Variants in PUM2 observed in about 807,000 individuals in gnomAD.
PUM2 encodes pumilio RNA binding family member 2, also known as pumilio homolog 2.
A neutral mutation model predicts 124.5 loss-of-function variants in PUM2; 57 were observed. The ratio of observed to expected loss-of-function variants is 0.46; its 90% CI spans 0.37 to 0.57. PUM2 has a LOEUF of 0.57. Among genes scored for constraint, PUM2 ranks in the 20% least tolerant of loss-of-function variants. The pLI is 0.00. For synonymous variants in PUM2, 460 were observed against 446.1 expected (o/e 1.03, Z -0.39); for missense variants, 1,065 against 1,290.6 (o/e 0.83, Z 2.68).
intron 13 of PUM2, among the ~76,000 whole-genome samples, chr2:20,274,956 C>CAAAAAAAAAAAA (rs1669858427): frequency 3.3e-3 from 2 of 612 alleles, no homozygotes; most frequent in Admixed American, 0.01. Context: ...TGAAGTATCT[C>CAAAAAAAAAAAA]CAAAAAAAAA....
At chr2:20,301,901 A>G (rs1677076367) in intron 7 of PUM2, among the ~76,000 whole-genome samples, 1 of 152,224 alleles carries the variant, frequency 6.6e-6, no homozygotes, top group Admixed American at 6.5e-5. Flanking sequence ...TAATGGCTAC[A>G]TAATATGTAG....
At chr2:20,336,376 G>C (rs749747240) in intron 1 of PUM2, among the ~76,000 whole-genome samples, 18 of 151,846 alleles carry the variant, frequency 1.2e-4, no homozygotes, top group Non-Finnish European at 2.5e-4. Context: ...GTAGAGACAG[G>C]GTTTTGCCAT....
In PUM2 at chr2:20,302,624, T is replaced by C. The variant is rs562947599; in HGVS notation, c.884-4946A>G. On this transcript the variant is annotated intron_variant, in intron 7 of 20. Coordinates refer to ENST00000361078, the MANE Select transcript of PUM2 (RefSeq NM_015317.5). The stretch of plus-strand genomic sequence containing the variant: ...TCTATTTCAAAGTAATCTTGTTCAA[T>C]GATCTACTCATACATTTTGAGTCCA... 1.5e-4 allele frequency among the ~76,000 whole-genome samples: 23 copies of C among 152,334 alleles called. 3 individuals are homozygous for C. The highest frequency in any genetic ancestry group is 5.3e-4 in the African/African-American group (22 of 41,578).
intron 17 of PUM2, 70 bp from the exon 18 acceptor site, chr2:20,255,411 GTTTGTT>G: frequency 7.3e-7 from 1 of 1,370,266 alleles, no homozygotes; most frequent in South Asian, 1.3e-5. Flanking sequence ...AAGCAGACTG[GTTTGTT>G]TTTTTTTTTT....
chr2:20,343,629 T>A (rs1228929103), intron 1 of PUM2, among the ~76,000 whole-genome samples: 2 of 152,168 alleles, frequency 1.3e-5, no homozygotes, highest in Non-Finnish European at 2.9e-5. Context: ...CTGTTGGGCA[T>A]GGTGGCTTGG....
At chr2:20,318,778 C>A (rs1034791315) in intron 2 of PUM2, 133 bp from the exon 3 acceptor site, 9 of 565,062 alleles carry the variant, frequency 1.6e-5, no homozygotes, top group Non-Finnish European at 2.7e-5. Context: ...GACCTATTTT[C>A]TAAGCTGTTT....
intron 20 of PUM2, among the ~76,000 whole-genome samples, chr2:20,252,221 C>T (rs1057259278): frequency 6.6e-6 from 1 of 152,054 alleles, no homozygotes; most frequent in Non-Finnish European, 1.5e-5. Flanking sequence ...TACTTTGGGA[C>T]CAGACTGGGC....
chr2:20,335,692 T>C (rs1249632843), intron 1 of PUM2, among the ~76,000 whole-genome samples: 2 of 152,244 alleles, frequency 1.3e-5, no homozygotes, highest in Non-Finnish European at 2.9e-5. Flanking sequence ...ACTGACTCAA[T>C]TATAATAAGG....
intron 1 of PUM2, among the ~76,000 whole-genome samples, chr2:20,339,248 G>A (rs955806104): frequency 3.9e-5 from 6 of 151,900 alleles, no homozygotes; most frequent in African/African-American, 1.5e-4. Context: ...ATGCAAGGTG[G>A]TACATATCTG....
intron 13 of PUM2, among the ~76,000 whole-genome samples, chr2:20,265,340 A>G (rs1423399839): frequency 6.6e-6 from 1 of 152,186 alleles, no homozygotes; most frequent in African/African-American, 2.4e-5. Flanking sequence ...GTTATACTTA[A>G]CTATCTCAGC....
intron 1 of PUM2, among the ~76,000 whole-genome samples, chr2:20,334,735 G>C (rs1374301243): frequency 6.6e-6 from 1 of 152,162 alleles, no homozygotes; most frequent in Admixed American, 6.5e-5. Flanking sequence ...TACTGCTGAA[G>C]ACATTTACCA....
intron 8 of PUM2, among the ~76,000 whole-genome samples, chr2:20,296,147 T>C (rs886866891): frequency 1.3e-5 from 2 of 152,196 alleles, no homozygotes; most frequent in African/African-American, 4.8e-5. Context: ...AGCTAAGATA[T>C]CAAATATAAA....
At chr2:20,310,669 G>A (rs113554958) in intron 5 of PUM2, among the ~76,000 whole-genome samples, 1 of 151,902 alleles carries the variant, frequency 6.6e-6, no homozygotes, top group Non-Finnish European at 1.5e-5. Flanking sequence ...CTTTGCTTTT[G>A]AAGGCAATAA....
intron 13 of PUM2, among the ~76,000 whole-genome samples, chr2:20,273,727 TGA>T (rs1284950244): frequency 1.3e-5 from 2 of 152,210 alleles, no homozygotes; most frequent in Non-Finnish European, 2.9e-5. Flanking sequence ...AAGATTCTGT[TGA>T]GAGTCGGGTG....
At chr2:20,297,988 G>GT (rs1275574792) in intron 7 of PUM2, among the ~76,000 whole-genome samples, 1 of 152,216 alleles carries the variant, frequency 6.6e-6, no homozygotes, top group African/African-American at 2.4e-5. Flanking sequence ...TGACTGCACA[G>GT]TATGTATTAG....
intron 20 of PUM2, among the ~76,000 whole-genome samples, chr2:20,252,642 C>T (rs1246974226): frequency 6.6e-6 from 1 of 152,044 alleles, no homozygotes; most frequent in Non-Finnish European, 1.5e-5. Flanking sequence ...AGTTTTCCTG[C>T]TGCAATTACT....
At chr2:20,270,254 A>G (rs1181572397) in intron 13 of PUM2, among the ~76,000 whole-genome samples, 1 of 152,194 alleles carries the variant, frequency 6.6e-6, no homozygotes. Flanking sequence ...ACATTTGGTA[A>G]TAAGTTAACA....
intron 13 of PUM2, among the ~76,000 whole-genome samples, chr2:20,272,053 G>A (rs564594396): frequency 6.6e-6 from 1 of 152,256 alleles, no homozygotes; most frequent in East Asian, 1.9e-4. Flanking sequence ...CCACTACTCA[G>A]GAGGCTGAGG....
In PUM2 at chr2:20,266,103, T is replaced by C. The variant is rs556933365; in HGVS notation, c.1958-2643A>G. ...CACTGCCTTGAATTTTAAAAAACCA[T>C]AGACATTCAGTTCTAGAAGACTAAG... is the stretch of plus-strand genomic sequence containing the variant. On this transcript the variant is annotated intron_variant, in intron 13 of 20. Coordinates refer to ENST00000361078, the MANE Select transcript of PUM2 (RefSeq NM_015317.5). Among the ~76,000 whole-genome samples the C allele has an allele frequency of 3.3e-5, 5 of 152,280 alleles. No homozygotes were observed. The East Asian group carries it at 5.8e-4, about 18-fold the overall frequency.
Sources: gnomAD v4.1 joint callset for allele counts (sites outside exome capture counted in the v4.1 genomes callset) on GRCh38, gnomAD v4.1.1 for gene constraint, MANE v1.5 for transcripts, NCBI Gene and HGNC (gene_info 2026-07-23, HGNC 2026-07-21) for gene names.